Variants in BBS9 observed in about 807,000 individuals in gnomAD.
BBS9 encodes Bardet-Biedl syndrome 9.
A neutral mutation model predicts 117.7 loss-of-function variants in BBS9; 89 were observed. That is an observed-to-expected ratio of 0.76 (90% confidence interval 0.64 to 0.90). The LOEUF is 0.90. Among genes scored for constraint, BBS9 ranks in the 40% least tolerant of loss-of-function variants. BBS9 has a pLI of 0.00. For synonymous variants in BBS9, 379 were observed against 370.9 expected (o/e 1.02, Z -0.25); for missense variants, 982 against 1,042.2 (o/e 0.94, Z 0.80).
intron 19 of BBS9, among the ~76,000 whole-genome samples, chr7:33,466,651 G>A (rs1033062456): frequency 1.3e-5 from 2 of 152,088 alleles, no homozygotes; most frequent in Non-Finnish European, 2.9e-5. Flanking sequence ...TTACTGAGTG[G>A]AAGAGTAAGA....
chr7:33,146,723 TA>T (rs1792452849), intron 2 of BBS9, among the ~76,000 whole-genome samples: 1 of 144,818 alleles, frequency 6.9e-6, no homozygotes, highest in African/African-American at 2.6e-5. Context: ...AAAAAAGAGA[TA>T]AAAATGACTT....
chr7:33,575,382 C>G (rs1317556997), intron 21 of BBS9, among the ~76,000 whole-genome samples: 1 of 152,080 alleles, frequency 6.6e-6, no homozygotes, highest in African/African-American at 2.4e-5. Context: ...TCTGAGTAGA[C>G]CAATAACAAG....
chr7:33,153,083 G>A (rs1049193344), intron 3 of BBS9, among the ~76,000 whole-genome samples: 3 of 152,138 alleles, frequency 2.0e-5, no homozygotes, highest in Non-Finnish European at 4.4e-5. Flanking sequence ...GACATTATCA[G>A]AAGCTTAAAA....
intron 19 of BBS9, among the ~76,000 whole-genome samples, chr7:33,477,736 A>C (rs1462938073): frequency 6.6e-6 from 1 of 152,202 alleles, no homozygotes; most frequent in Non-Finnish European, 1.5e-5. Flanking sequence ...GTTGTTCACC[A>C]TAGATATATT....
intron 7 of BBS9, among the ~76,000 whole-genome samples, chr7:33,272,166 C>T (rs912581631): frequency 1.3e-5 from 2 of 152,114 alleles, no homozygotes; most frequent in African/African-American, 4.8e-5. Flanking sequence ...CACATGTTCT[C>T]ACTTAAATAT....
chr7:33,601,241 T>A (rs73690945), intron 21 of BBS9, among the ~76,000 whole-genome samples: 1 of 152,224 alleles, frequency 6.6e-6, no homozygotes, highest in African/African-American at 2.4e-5. Flanking sequence ...GACGCTTGCC[T>A]GATTTCCAGG....
intron 20 of BBS9, among the ~76,000 whole-genome samples, chr7:33,518,033 T>C (rs958859366): frequency 2.6e-5 from 4 of 152,178 alleles, no homozygotes; most frequent in African/African-American, 9.6e-5. Flanking sequence ...TTAATTTTTG[T>C]ACAAAACTGT....
At chr7:33,480,931 C>G (rs919987927) in intron 19 of BBS9, among the ~76,000 whole-genome samples, 17 of 152,236 alleles carry the variant, frequency 1.1e-4, no homozygotes, top group African/African-American at 1.9e-4. Context: ...CCCAGCCCCC[C>G]ACAGCCATGT....
intron 5 of BBS9, among the ~76,000 whole-genome samples, chr7:33,199,998 T>C (rs1273913643): frequency 6.6e-6 from 1 of 152,080 alleles, no homozygotes; most frequent in East Asian, 1.9e-4. Flanking sequence ...TACTCTCTAA[T>C]ATGAGTCACT....
chr7:33,219,233 C>T (rs1789701587), intron 5 of BBS9, among the ~76,000 whole-genome samples: 1 of 152,240 alleles, frequency 6.6e-6, no homozygotes, highest in South Asian at 2.1e-4. Flanking sequence ...TCGCGACCTG[C>T]AGCCCGCCAT....
chr7:33,527,006 C>G (rs1254042535), intron 20 of BBS9, among the ~76,000 whole-genome samples: 1 of 150,518 alleles, frequency 6.6e-6, no homozygotes, highest in Non-Finnish European at 1.5e-5. Flanking sequence ...AATACCCTGC[C>G]GTGTGAGGTG....
chr7:33,591,660 G>A (rs1199114039), intron 21 of BBS9, among the ~76,000 whole-genome samples: 1 of 151,996 alleles, frequency 6.6e-6, no homozygotes, highest in East Asian at 1.9e-4. Flanking sequence ...AGTAACACTA[G>A]ATCAGCAGAC....
chr7:33,470,642 C>G (rs531072623), intron 19 of BBS9, among the ~76,000 whole-genome samples: 2 of 152,278 alleles, frequency 1.3e-5, no homozygotes, highest in South Asian at 2.1e-4. Context: ...TTAGAAGATG[C>G]AAAGCCAGGG....
At chr7:33,449,509 A>G (rs1009197381) in intron 19 of BBS9, among the ~76,000 whole-genome samples, 1 of 152,030 alleles carries the variant, frequency 6.6e-6, no homozygotes, top group Non-Finnish European at 1.5e-5. Flanking sequence ...GGCTGGGTGG[A>G]CAGATGACTT....
chr7:33,225,618 G>A (rs891409094), intron 5 of BBS9, among the ~76,000 whole-genome samples: 10 of 151,390 alleles, frequency 6.6e-5, no homozygotes, highest in Admixed American at 2.0e-4. Context: ...TTCTTGCTTC[G>A]TATTATGAGA....
At chr7:33,530,218 AT>A (rs1850361871) in intron 20 of BBS9, among the ~76,000 whole-genome samples, 1 of 152,192 alleles carries the variant, frequency 6.6e-6, no homozygotes, top group African/African-American at 2.4e-5. Context: ...ATAACTCTGT[AT>A]TTTAGTGGCA....
At chr7:33,611,234 A>G (rs185370946) in intron 21 of BBS9, among the ~76,000 whole-genome samples, 33 of 152,032 alleles carry the variant, frequency 2.2e-4, no homozygotes, top group African/African-American at 8.0e-4. Context: ...TCTCATTTCT[A>G]TGTGCCAGGC....
At chr7:33,500,984 G>A (rs548555477) in intron 19 of BBS9, among the ~76,000 whole-genome samples, 28 of 152,204 alleles carry the variant, frequency 1.8e-4, no homozygotes, top group African/African-American at 6.5e-4. Context: ...ACAAAACAAA[G>A]GCCATCAACA....
intron 1 of BBS9, among the ~76,000 whole-genome samples, chr7:33,136,611 A>G (rs924736492): frequency 1.3e-5 from 2 of 152,150 alleles, no homozygotes; most frequent in African/African-American, 2.4e-5. Context: ...TTTAGATTGT[A>G]TTGATTTTAC....
Sources: allele counts gnomAD v4.1 joint callset (sites outside exome capture counted in the v4.1 genomes callset), GRCh38; gene constraint gnomAD v4.1.1; transcripts MANE v1.5; gene names NCBI Gene and HGNC (gene_info 2026-07-23, HGNC 2026-07-21).